TENM3: variants seen among roughly 807,000 people sequenced by gnomAD.
The protein encoded by TENM3 is teneurin transmembrane protein 3, also known as teneurin-3.
In TENM3, 63 loss-of-function variants were observed where a neutral mutation model predicts 255.1. That is an observed-to-expected ratio of 0.25 (90% CI 0.20 to 0.30). The LOEUF is 0.30. Ranked by LOEUF, TENM3 falls within the 10% of genes least tolerant of loss-of-function variation. The pLI, the probability that TENM3 is intolerant of heterozygous loss-of-function variation, is 1.00. For missense variants in TENM3, 2,929 were observed against 3,461.1 expected (o/e 0.85, Z 3.86); for synonymous variants, 1,306 against 1,322.3 (o/e 0.99, Z 0.27).
At chr4:181,909,682 G>C in the TENM3 span, among the ~76,000 whole-genome samples, 1 of 152,136 alleles carries the variant, frequency 6.6e-6, no homozygotes, top group African/African-American at 2.4e-5. Context: ...ATGAACAAGA[G>C]CTGCCTTCCA....
the TENM3 span, among the ~76,000 whole-genome samples, chr4:181,477,515 A>G: frequency 1.3e-5 from 2 of 152,286 alleles, no homozygotes; most frequent in Non-Finnish European, 2.9e-5. Flanking sequence ...AGAAATATGT[A>G]AAGGTTTGAA....
At chr4:181,940,661 A>G in the TENM3 span, among the ~76,000 whole-genome samples, 1 of 152,238 alleles carries the variant, frequency 6.6e-6, no homozygotes, top group Middle Eastern at 3.2e-3. Flanking sequence ...AAATTTGTGC[A>G]AAGACTCCAC....
At chr4:181,521,869 G>T in the TENM3 span, among the ~76,000 whole-genome samples, 1 of 152,112 alleles carries the variant, frequency 6.6e-6, no homozygotes. Context: ...GGCCAAGACG[G>T]GCAGATCACG....
the TENM3 span, among the ~76,000 whole-genome samples, chr4:182,066,573 T>C: frequency 3.5e-5 from 4 of 115,400 alleles, no homozygotes; most frequent in Admixed American, 2.2e-4. Context: ...TTGCACAACT[T>C]AAAGTAAGAA....
chr4:182,757,642 C>T (rs941072649), intron 22 of TENM3, among the ~76,000 whole-genome samples: 2 of 152,072 alleles, frequency 1.3e-5, no homozygotes, highest in African/African-American at 4.8e-5. Context: ...GGATTTTTTA[C>T]CTTTTAAAGA....
chr4:182,335,151 C>A (rs1013212891), intron 2 of TENM3, among the ~76,000 whole-genome samples: 2 of 151,942 alleles, frequency 1.3e-5, no homozygotes, highest in African/African-American at 4.8e-5. Context: ...CCTGAAACTT[C>A]TCGCTACCCC....
chr4:181,777,155 C>A, the TENM3 span, among the ~76,000 whole-genome samples: 1 of 151,966 alleles, frequency 6.6e-6, no homozygotes, highest in Non-Finnish European at 1.5e-5. Context: ...TATGGATATC[C>A]AGTTTTCCTA....
chr4:182,142,352 C>A (rs1252797906), upstream of TENM3: 1 of 161,130 alleles, frequency 6.2e-6, no homozygotes, highest in East Asian at 1.9e-4. Context: ...TAACGCGCTG[C>A]GCTCGGGCAC....
At chr4:182,594,796 T>C (rs929416486) in intron 3 of TENM3, among the ~76,000 whole-genome samples, 2 of 150,738 alleles carry the variant, frequency 1.3e-5, no homozygotes, top group Non-Finnish European at 3.0e-5. Flanking sequence ...CTCAGCTCAC[T>C]GCAACCTCCG....
At chr4:181,802,295 C>G in the TENM3 span, among the ~76,000 whole-genome samples, 2 of 152,068 alleles carry the variant, frequency 1.3e-5, no homozygotes, top group Non-Finnish European at 2.9e-5. Flanking sequence ...ATGTCTTCAG[C>G]CAAGGACATT....
chr4:182,278,995 G>A (rs1760194479), intron 1 of TENM3, among the ~76,000 whole-genome samples: 1 of 152,198 alleles, frequency 6.6e-6, no homozygotes, highest in Admixed American at 6.5e-5. Context: ...CAAGAGAAGG[G>A]ATTGCACACC....
At chr4:182,474,533 T>C (rs1415421370) in intron 3 of TENM3, among the ~76,000 whole-genome samples, 1 of 152,164 alleles carries the variant, frequency 6.6e-6, no homozygotes, top group Non-Finnish European at 1.5e-5. Flanking sequence ...CACACCCCGT[T>C]TCCAGACATT....
intron 1 of TENM3, among the ~76,000 whole-genome samples, chr4:182,309,208 A>T (rs533381665): frequency 6.6e-6 from 1 of 152,194 alleles, no homozygotes; most frequent in African/African-American, 2.4e-5. Context: ...GACAGATGCC[A>T]TGTTGACGGA....
At chr4:181,888,536 GTA>G in the TENM3 span, among the ~76,000 whole-genome samples, 22,378 of 69,686 alleles carry the variant, frequency 0.32, 3,959 homozygotes, top group Non-Finnish European at 0.38. Context: ...ACATATATGT[GTA>G]TATATATATA....
At chr4:182,745,242 C>T (rs536925952) in intron 19 of TENM3, among the ~76,000 whole-genome samples, 2 of 152,320 alleles carry the variant, frequency 1.3e-5, no homozygotes, top group East Asian at 3.9e-4. Flanking sequence ...TGATCTTTTC[C>T]TGAGATCCCC....
intron 3 of TENM3, among the ~76,000 whole-genome samples, chr4:182,526,703 A>G (rs1024652774): frequency 2.6e-5 from 4 of 152,200 alleles, no homozygotes; most frequent in African/African-American, 9.7e-5. Flanking sequence ...AATGAATTGC[A>G]CTAATTTACT....
At chr4:181,546,602 T>C in the TENM3 span, among the ~76,000 whole-genome samples, 1 of 140,896 alleles carries the variant, frequency 7.1e-6, no homozygotes, top group South Asian at 2.4e-4. Flanking sequence ...TAGTCCCAGC[T>C]ACTCGGGAGG....
the TENM3 span, among the ~76,000 whole-genome samples, chr4:181,541,095 C>A: frequency 3.3e-5 from 5 of 152,218 alleles, no homozygotes; most frequent in Middle Eastern, 3.4e-3. Flanking sequence ...AAGTTCAGGC[C>A]GGGCACAGTG....
At chr4:181,821,164 C>A in the TENM3 span, among the ~76,000 whole-genome samples, 1 of 152,160 alleles carries the variant, frequency 6.6e-6, no homozygotes, top group Non-Finnish European at 1.5e-5. Flanking sequence ...TAACTGACTT[C>A]CCTCTGGTCT....
Sources: allele counts gnomAD v4.1 joint callset (sites outside exome capture counted in the v4.1 genomes callset), GRCh38; gene constraint gnomAD v4.1.1; transcripts MANE v1.5; gene names NCBI Gene and HGNC (gene_info 2026-07-23, HGNC 2026-07-21).